Variants in FXYD7 observed in about 807,000 individuals in gnomAD.
FXYD7 encodes the protein FXYD domain containing ion transport regulator 7.
In FXYD7, 7 loss-of-function variants were observed where a neutral mutation model predicts 15.3. The ratio of observed to expected loss-of-function variants is 0.46; its 90% CI spans 0.26 to 0.86. The LOEUF is 0.86. FXYD7 is among the 40% of genes least tolerant of loss of function. FXYD7 has a pLI of 0.16. For missense variants in FXYD7, 78 were observed against 100.6 expected (o/e 0.78, Z 0.96); for synonymous variants, 39 against 39.3 (o/e 0.99, Z 0.03).
At position 35,153,973 on chromosome 19, in the gene FXYD7, C is replaced by A. The variant is rs550884137; in HGVS notation, c.*57C>A. ...TGCCTGAGCGCGGGAGCCTGAGGAC[C>A]GGGTGGAGGCGGTGGGGACCCAGCC... On this transcript the variant is annotated 3_prime_UTR_variant, in exon 6 of 6. Coordinates refer to ENST00000270310, the MANE Select transcript of FXYD7 (RefSeq NM_022006.2). 2 of 1,559,768 alleles carry A rather than the reference C, an allele frequency of 1.3e-6. No individual in the cohort carries two copies. Among genetic ancestry groups the A allele is most frequent in the Admixed American group, 1.7e-5 (1 of 59,488 alleles).
chr19:35,153,036 T>TGTTTTTTTTTTTTTG (rs775322108), intron 5 of FXYD7, among the ~76,000 whole-genome samples: 1 of 97,140 alleles, frequency 1.0e-5, no homozygotes, highest in Non-Finnish European at 1.9e-5. Flanking sequence ...CACGTTCCTT[T>TGTTTTTTTTTTTTTG]TTTTTTTTTT....
intron 1 of FXYD7, among the ~76,000 whole-genome samples, chr19:35,148,195 G>A (rs2070313322): frequency 6.6e-6 from 1 of 152,190 alleles, no homozygotes. Flanking sequence ...GTACTGGATG[G>A]AGTATCAGGA....
intron 1 of FXYD7, among the ~76,000 whole-genome samples, chr19:35,145,977 A>G (rs145019628): frequency 1.5e-3 from 228 of 151,388 alleles, no homozygotes; most frequent in Admixed American, 4.5e-3. Flanking sequence ...TGCTTTTGCT[A>G]TGTTTCCCAG....
In FXYD7 at chr19:35,148,741, G is replaced by A; in HGVS notation, c.61+18G>A. 6.2e-7 allele frequency: 1 copy of A among 1,607,272 alleles called. No individual in the cohort carries two copies. The highest frequency in any genetic ancestry group is 8.5e-7 in the Non-Finnish European group (1 of 1,174,336). On this transcript the variant is annotated intron_variant, in intron 2 of 5. Coordinates refer to ENST00000270310, the MANE Select transcript of FXYD7 (RefSeq NM_022006.2). ...TTACTATGGTGAGTGTTGGATTTGG[G>A]GATAGGGCTGGACTGGGGAGTAGCT...
At position 35,154,040 on chromosome 19, in the gene FXYD7, C is replaced by A; in HGVS notation, c.*124C>A. The A allele has an allele frequency of 1.2e-6, 1 of 851,990 alleles. No homozygotes were observed. Among genetic ancestry groups the A allele is most frequent in the South Asian group, 1.5e-5 (1 of 66,660 alleles). 52.8% of individuals were successfully genotyped at this position (851,990 alleles called of 1,614,324 possible). ...CCCCGGAATGAGCCGCCCCACCCAC[C>A]CCAAGGCTGGAGCCGCTGCACCCTG... On this transcript the variant is annotated 3_prime_UTR_variant, in exon 6 of 6. Transcript: ENST00000270310.
At chr19:35,148,645 CT>C in intron 1 of FXYD7, 48 bp from the exon 2 acceptor site, 3 of 1,471,204 alleles carry the variant, frequency 2.0e-6, no homozygotes, top group Non-Finnish European at 2.7e-6. Flanking sequence ...AAGAAATACA[CT>C]GTTAAGTTTT....
intron 2 of FXYD7, chr19:35,149,026 G>A (rs1355217002): frequency 1.8e-6 from 1 of 552,802 alleles, no homozygotes; most frequent in South Asian, 1.5e-5. Flanking sequence ...CTGAGCCCAG[G>A]CTGCCTGGAT....
Position 35,143,942 on chromosome 19 carries a change from C to A in FXYD7, c.31+578C>A, listed in dbSNP as rs1365203639. Reference sequence around the variant, plus strand: ...TGGAAGAGACAGAGACCAAGAGAGGCAGGAGATCCAGAGTCACAGATACAA... The same window carrying A: ...TGGAAGAGACAGAGACCAAGAGAGGAAGGAGATCCAGAGTCACAGATACAA... On this transcript the variant is annotated intron_variant, in intron 1 of 5. Coordinates refer to ENST00000270310, the MANE Select transcript of FXYD7 (RefSeq NM_022006.2). This position sits in a 1 kb window ranked among gnomAD's most constrained non-coding sequence, Gnocchi z 4.3. Among the ~76,000 whole-genome samples the A allele has an allele frequency of 6.6e-6, 1 of 151,996 alleles. No individual in the cohort carries two copies.
At chr19:35,148,093 AAGAGAGAG>A (rs770163373) in intron 1 of FXYD7, among the ~76,000 whole-genome samples, 1 of 124,894 alleles carries the variant, frequency 8.0e-6, no homozygotes, top group Admixed American at 7.7e-5. Context: ...GAAAGAAAGA[AAGAGAGAG>A]AGAAAGAAAG....
intron 1 of FXYD7, among the ~76,000 whole-genome samples, chr19:35,144,684 A>AG (rs917444058): frequency 1.0e-4 from 5 of 49,688 alleles, no homozygotes; most frequent in Admixed American, 3.5e-4. Context: ...TACCCTAGGG[A>AG]GGGGGGCAGG....
Position 35,154,251 on chromosome 19 carries a change from C to A in FXYD7, c.*335C>A. The A allele has an allele frequency of 4.3e-6, 2 of 467,914 alleles. No homozygotes were observed. Among genetic ancestry groups the A allele is most frequent in the Non-Finnish European group, 7.6e-6 (2 of 262,292 alleles). The allele number at this position is 467,914 out of a possible 1,614,324, so 29.0% of individuals were successfully genotyped here. On this transcript the variant is annotated 3_prime_UTR_variant, in exon 6 of 6. Transcript: ENST00000270310. ...CCCCGAAGATCCGTCCCCCTGGCCCCTCAGTGTCCATGTCTTGAGCTTAAT... is the reference window on the plus strand; with the variant it reads ...CCCCGAAGATCCGTCCCCCTGGCCCATCAGTGTCCATGTCTTGAGCTTAAT...
At chr19:35,151,514 G>T (rs111908466) in intron 4 of FXYD7, 32 bp downstream of exon 4, 32 of 1,609,850 alleles carry the variant, frequency 2.0e-5, no homozygotes, top group Non-Finnish European at 2.6e-5. Flanking sequence ...AGCGGGAGGG[G>T]GCCTCGGGGT....
chr19:35,153,035 T>TTGTTTTTTTTTG (rs1284253076), intron 5 of FXYD7, among the ~76,000 whole-genome samples: 1 of 88,068 alleles, frequency 1.1e-5, no homozygotes, highest in African/African-American at 6.8e-5. Context: ...TCACGTTCCT[T>TTGTTTTTTTTTG]TTTTTTTTTT....
chr19:35,146,010 C>G (rs1372291639), intron 1 of FXYD7, among the ~76,000 whole-genome samples: 1 of 152,172 alleles, frequency 6.6e-6, no homozygotes, highest in Non-Finnish European at 1.5e-5. Flanking sequence ...CTTCTGGGCT[C>G]AAGCAATTCA....
At chr19:35,147,102 C>T (rs2065291283) in intron 1 of FXYD7, among the ~76,000 whole-genome samples, 1 of 152,256 alleles carries the variant, frequency 6.6e-6, no homozygotes, top group Non-Finnish European at 1.5e-5. Flanking sequence ...GCAGTCACCA[C>T]TGTGAACATT....
chr19:35,146,296 A>T (rs1224098137), intron 1 of FXYD7, among the ~76,000 whole-genome samples: 2 of 151,872 alleles, frequency 1.3e-5, no homozygotes, highest in Non-Finnish European at 2.9e-5. Context: ...ACACCACCAC[A>T]CCCAGCTAAT....
At chr19:35,148,056 AAAGAAAGAAAG>A (rs1414476225) in intron 1 of FXYD7, among the ~76,000 whole-genome samples, 11 of 143,180 alleles carry the variant, frequency 7.7e-5, no homozygotes, top group Non-Finnish European at 1.5e-4. Flanking sequence ...AGAAAGAAAG[AAAGAAAGAAAG>A]AAAGAAAGAA....
Position 35,151,300 on chromosome 19 carries a change from G to A in FXYD7, c.108G>A (p.Leu36=). 6.2e-7 allele frequency: 1 copy of A among 1,610,858 alleles called. No homozygotes were observed. Among genetic ancestry groups the A allele is most frequent in the South Asian group, 1.1e-5 (1 of 91,022 alleles). The change falls in exon 3 of 6, where the codon TTG becomes TTA. Residue 36 remains leucine, a synonymous_variant. Transcript: ENST00000270310. ...QTVGMTLATI[L]FLLGILIVIS... is the part of the protein sequence containing the mutation. ...TGGGCATGACTCTGGCAACCATCTT[G>A]TTCCTGCTGGGTATCCTCATCGTCA...
Position 35,154,103 on chromosome 19 carries a change from A to C in FXYD7, c.*187A>C. 1 of 572,650 alleles carries C rather than the reference A, an allele frequency of 1.7e-6. No individual in the cohort carries two copies. 35.5% of individuals were successfully genotyped at this position (572,650 alleles called of 1,614,324 possible). A position where few individuals can be genotyped will look rare whatever the true frequency, so the allele number is the denominator to read the frequency against. ...AGGCCTTGGCAATGACGATCCCCCA[A>C]AGAGCCCGTCTGCACCCCAGACCCA... is the stretch of plus-strand genomic sequence containing the variant. On this transcript the variant is annotated 3_prime_UTR_variant, in exon 6 of 6. Coordinates refer to ENST00000270310, the MANE Select transcript of FXYD7 (RefSeq NM_022006.2).
Sources: allele counts gnomAD v4.1 joint callset (sites outside exome capture counted in the v4.1 genomes callset), GRCh38; gene constraint gnomAD v4.1.1; non-coding constraint Gnocchi (gnomAD v3.1); transcripts MANE v1.5; gene names NCBI Gene and HGNC (gene_info 2026-07-23, HGNC 2026-07-21).